Variants in PPP3CA observed in about 807,000 individuals in gnomAD.
PPP3CA encodes CAM-PRP catalytic subunit.
In PPP3CA, 14 loss-of-function variants were observed where a neutral mutation model predicts 66.5. The ratio of observed to expected loss-of-function variants is 0.21; its 90% CI spans 0.14 to 0.33. PPP3CA has a LOEUF of 0.33. Among genes scored for constraint, PPP3CA ranks in the 10% least tolerant of loss-of-function variants. PPP3CA has a pLI of 1.00. For missense variants in PPP3CA, 317 were observed against 639.5 expected (o/e 0.50, Z 5.44); for synonymous variants, 232 against 226.2 (o/e 1.03, Z -0.23).
intron 11 of PPP3CA, among the ~76,000 whole-genome samples, chr4:101,036,411 T>TTC (rs1727250427): frequency 3.0e-5 from 3 of 98,826 alleles, no homozygotes; most frequent in African/African-American, 1.5e-4. Flanking sequence ...TTCTTTTTCT[T>TTC]TCTTTCTTTT....
chr4:101,240,058 G>A (rs573845096), intron 1 of PPP3CA, among the ~76,000 whole-genome samples: 2 of 151,252 alleles, frequency 1.3e-5, no homozygotes, highest in South Asian at 4.2e-4. Flanking sequence ...CGGGGGGGAG[G>A]TGAGGTAGAT....
At chr4:101,343,369 C>T (rs975161766) in intron 1 of PPP3CA, among the ~76,000 whole-genome samples, 1 of 152,082 alleles carries the variant, frequency 6.6e-6, no homozygotes, top group African/African-American at 2.4e-5. Context: ...TAGGCAGGAA[C>T]AGAGAGAAAT....
intron 8 of PPP3CA, among the ~76,000 whole-genome samples, 174 bp from the exon 9 acceptor site, chr4:101,063,531 G>A (rs1728559602): frequency 6.6e-6 from 1 of 151,818 alleles, no homozygotes; most frequent in Non-Finnish European, 1.5e-5. Flanking sequence ...CTTACTCAGG[G>A]TAATATATAA....
chr4:101,170,184 G>C lies in PPP3CA; in HGVS notation c.259+25732C>G, dbSNP rs530932313. 3.2e-4 allele frequency among the ~76,000 whole-genome samples: 46 copies of C among 145,174 alleles called. No individual in the cohort carries two copies. The East Asian group carries it at 8.6e-3, about 27-fold the overall frequency. ...TACCAATTGAAATAACAAAAGAAAA[G>C]TGGCCTTAGAACAAGTAACACAAAA... On this transcript the variant is annotated intron_variant, in intron 2 of 13. Transcript: ENST00000394854.
In PPP3CA at chr4:101,160,488, G is replaced by A. The variant is rs953519480; in HGVS notation, c.259+35428C>T. Among the ~76,000 whole-genome samples, 10 of 152,110 alleles carry A rather than the reference G, an allele frequency of 6.6e-5. 1 individual carries two copies. The highest frequency in any genetic ancestry group is 1.3e-4 in the Admixed American group (2 of 15,256). ...GCATTAATAAAATGTGTGGGAGTCC[G>A]ATCATGGTAAATGCACAGAGTGTGC... On this transcript the variant is annotated intron_variant, in intron 2 of 13. Coordinates refer to ENST00000394854, the MANE Select transcript of PPP3CA (RefSeq NM_000944.5).
At chr4:101,134,762 A>C (rs994544589) in intron 2 of PPP3CA, among the ~76,000 whole-genome samples, 3 of 152,260 alleles carry the variant, frequency 2.0e-5, no homozygotes, top group Admixed American at 1.3e-4. Flanking sequence ...TCATTCTACT[A>C]TAAAGACACA....
chr4:101,229,501 T>C (rs1280537289), intron 1 of PPP3CA, among the ~76,000 whole-genome samples: 2 of 151,774 alleles, frequency 1.3e-5, no homozygotes, highest in Non-Finnish European at 2.9e-5. Context: ...CTCTTCTCTC[T>C]AAAAGTTCTT....
At chr4:101,267,806 A>G (rs1319837906) in intron 1 of PPP3CA, among the ~76,000 whole-genome samples, 1 of 152,196 alleles carries the variant, frequency 6.6e-6, no homozygotes, top group Non-Finnish European at 1.5e-5. Flanking sequence ...AGAATTTATA[A>G]CCATAGTTTA....
rs1182750511 is a variant in PPP3CA, at chr4:101,098,403, C to T, written c.606G>A (p.Leu202=). 3 of 1,610,794 alleles carry T rather than the reference C, an allele frequency of 1.9e-6. No individual in the cohort carries two copies. Among genetic ancestry groups the T allele is most frequent in the Non-Finnish European group, 2.5e-6 (3 of 1,178,662 alleles). Residue 202 remains leucine (L), a synonymous_variant, in exon 5 of 14, where the codon TTG becomes TTA. Transcript: ENST00000394854. The part of the protein sequence containing the change: ...NQQFLCVHGG[L]SPEINTLDDI... ...CATCTAAAGTGTTAATCTCTGGAGACAAACCACCATGCACACACAGGAACT... is the reference window on the plus strand; with the variant it reads ...CATCTAAAGTGTTAATCTCTGGAGATAAACCACCATGCACACACAGGAACT...
chr4:101,152,909 T>C (rs1429492006), intron 2 of PPP3CA, among the ~76,000 whole-genome samples: 1 of 152,238 alleles, frequency 6.6e-6, no homozygotes, highest in Non-Finnish European at 1.5e-5. Context: ...TTAGATGGTA[T>C]ACTTCTGTCG....
chr4:101,087,467 T>C (rs1729720585), intron 6 of PPP3CA, among the ~76,000 whole-genome samples: 1 of 152,160 alleles, frequency 6.6e-6, no homozygotes, highest in African/African-American at 2.4e-5. Flanking sequence ...CTCATATTTC[T>C]CTTACTGTCA....
chr4:101,097,254 T>C (rs1343598493), intron 5 of PPP3CA, among the ~76,000 whole-genome samples: 2 of 152,146 alleles, frequency 1.3e-5, no homozygotes, highest in African/African-American at 2.4e-5. Flanking sequence ...ATGTGACCAA[T>C]TTATTCTTGC....
At chr4:101,160,236 C>G (rs1723459008) in intron 2 of PPP3CA, among the ~76,000 whole-genome samples, 1 of 152,114 alleles carries the variant, frequency 6.6e-6, no homozygotes, top group African/African-American at 2.4e-5. Flanking sequence ...ACAAAATTCT[C>G]AAGTACGTAC....
chr4:101,072,807 G>A (rs980007042), intron 8 of PPP3CA, among the ~76,000 whole-genome samples: 1 of 151,598 alleles, frequency 6.6e-6, no homozygotes, highest in East Asian at 1.9e-4. Context: ...GTGGTGGTGG[G>A]TGCCTGTAGT....
Position 101,108,943 on chromosome 4 carries a change from T to C in PPP3CA, c.384+11A>G. ...TAACTGAACAGCAAAGAAGACATGA[T>C]GTAGACTTACTTCAATACTGAAGTA... On this transcript the variant is annotated intron_variant, in intron 3 of 13. Transcript: ENST00000394854. The C allele has an allele frequency of 1.9e-6, 3 of 1,612,778 alleles. No homozygotes were observed. The highest frequency in any genetic ancestry group is 2.5e-6 in the Non-Finnish European group (3 of 1,179,138).
At chr4:101,073,565 C>T (rs975610012) in intron 8 of PPP3CA, among the ~76,000 whole-genome samples, 2 of 152,018 alleles carry the variant, frequency 1.3e-5, no homozygotes, top group African/African-American at 2.4e-5. Context: ...GCCTATGTAC[C>T]ACCTCATACT....
intron 2 of PPP3CA, among the ~76,000 whole-genome samples, chr4:101,111,596 G>A (rs879595472): frequency 3.3e-5 from 5 of 152,056 alleles, no homozygotes; most frequent in African/African-American, 4.8e-5. Context: ...CATTAGAGGC[G>A]GTGTGGGGTA....
intron 1 of PPP3CA, among the ~76,000 whole-genome samples, chr4:101,221,567 A>AAAAAC (rs922986788): frequency 6.6e-6 from 1 of 151,564 alleles, no homozygotes; most frequent in South Asian, 2.1e-4. Context: ...CACTTCGCTA[A>AAAAAC]AAAACAAAAC....
intron 1 of PPP3CA, among the ~76,000 whole-genome samples, chr4:101,220,094 G>C (rs1044971593): frequency 6.6e-6 from 1 of 151,696 alleles, no homozygotes; most frequent in African/African-American, 2.4e-5. Flanking sequence ...ATCACACTTA[G>C]GAAGAAAACA....
Sources: allele counts gnomAD v4.1 joint callset (sites outside exome capture counted in the v4.1 genomes callset), GRCh38; gene constraint gnomAD v4.1.1; transcripts MANE v1.5; gene names NCBI Gene and HGNC (gene_info 2026-07-23, HGNC 2026-07-21).